The following DMKN variants were observed in gnomAD, a reference collection of about 807,000 sequenced individuals.
DMKN encodes the protein dermokine, also known as epidermis-specific secreted protein SK30/SK89.
Under a neutral mutation model 67.6 loss-of-function variants are expected in DMKN, and 58 were observed. That is an observed-to-expected ratio of 0.86 (90% confidence interval 0.69 to 1.07). The LOEUF is 1.07. DMKN is among the 50% of genes least tolerant of loss of function. The pLI, the probability that DMKN is intolerant of heterozygous loss-of-function variation, is 0.00. For missense variants in DMKN, 596 were observed against 601.5 expected (o/e 0.99, Z 0.10); for synonymous variants, 240 against 232.3 (o/e 1.03, Z -0.30).
At chr19:35,506,325 C>T in intron 7 of DMKN, 1 of 837,742 alleles carries the variant, frequency 1.2e-6, no homozygotes. Context: ...GCCTTCTCTT[C>T]CTTACACAGC....
intron 9 of DMKN, chr19:35,503,507 G>A (rs977700582): frequency 1.2e-5 from 19 of 1,528,764 alleles, no homozygotes; most frequent in South Asian, 8.6e-5. Context: ...ATGGAGTCTC[G>A]CTCTGTCGCC....
Position 35,506,193 on chromosome 19 carries a change from G to A in DMKN, c.1039-207C>T, listed in dbSNP as rs953650570. ...CCAGCTCGACCCTTGCCCCTGGGTGGGGAAAAGGGGGACCGATGTCCAAGG... is the reference window on the plus strand; with the variant it reads ...CCAGCTCGACCCTTGCCCCTGGGTGAGGAAAAGGGGGACCGATGTCCAAGG... On this transcript the variant is annotated intron_variant, in intron 7 of 15. Coordinates refer to ENST00000339686, the MANE Select transcript of DMKN (RefSeq NM_033317.5). The A allele has an allele frequency of 2.0e-6, 3 of 1,502,024 alleles. No homozygotes were observed. In the African/African-American group the frequency reaches 4.2e-5, roughly 21 times the overall value. 93.0% of individuals were successfully genotyped at this position (1,502,024 alleles called of 1,614,324 possible).
rs372850729 is a variant in DMKN at position 35,505,909 on chromosome 19, G to C, written c.1086+30C>G. Reference sequence around the variant, plus strand: ...GGGCAGGGGTTGGTTTTCCAAATGCGAGTGAACAGAGCCATCTCGCAGAAC... The same window carrying C: ...GGGCAGGGGTTGGTTTTCCAAATGCCAGTGAACAGAGCCATCTCGCAGAAC... On this transcript the variant is annotated intron_variant, in intron 8 of 15. Coordinates refer to ENST00000339686, the MANE Select transcript of DMKN (RefSeq NM_033317.5). 54 of 1,614,048 alleles carry C rather than the reference G, an allele frequency of 3.3e-5. 1 individual carries two copies. The highest frequency in any genetic ancestry group is 3.8e-5 in the Non-Finnish European group (45 of 1,180,030).
chr19:35,513,459 G>A lies in DMKN; in HGVS notation c.17C>T (p.Pro6Leu), dbSNP rs1264625009. The A allele has an allele frequency of 1.9e-6, 3 of 1,598,504 alleles. No homozygotes were observed. Among genetic ancestry groups the A allele is most frequent in the Non-Finnish European group, 2.5e-6 (3 of 1,179,182 alleles). Reference sequence around the variant, plus strand: ...GAGGGCCAGCAGGAGGCAGGCCAGGGGCCCCTGGAACTTCATCTCTGCCCA... The same window carrying A: ...GAGGGCCAGCAGGAGGCAGGCCAGGAGCCCCTGGAACTTCATCTCTGCCCA... The part of the protein sequence containing the change: MKFQG[P>L]LACLLLALCL... The change falls in exon 1 of 16, where the codon CCC becomes CTC. Residue 6 changes from proline (P) to leucine (L), a missense_variant. Pro to Leu is a moderately conservative substitution (Grantham distance 98, BLOSUM62 -3). Transcript: ENST00000339686.
At chr19:35,510,512 T>C (rs1600062294) in intron 5 of DMKN, 2 of 1,545,758 alleles carry the variant, frequency 1.3e-6, no homozygotes, top group African/African-American at 2.7e-5. Flanking sequence ...AGGCCGGGGG[T>C]GGGAACCCCT....
Position 35,510,187 on chromosome 19 carries a change from G to C in DMKN, c.984C>G (p.Pro328=). Residue 328 remains proline, a synonymous_variant, in exon 6 of 16, where the codon CCC becomes CCG. Transcript: ENST00000339686. ...GAGATTCACGCCAGCCACTCACCCC[G>C]GGTTTATGTCCATTTCCTCCGCCGC... ...GGSGGGNGHK[P]GCEKPGNEAR... 2 of 1,608,378 alleles carry C rather than the reference G, an allele frequency of 1.2e-6. No homozygotes were observed. Among genetic ancestry groups the C allele is most frequent in the Non-Finnish European group, 1.7e-6 (2 of 1,177,468 alleles).
chr19:35,509,877 G>A, intron 7 of DMKN, 34 bp downstream of exon 7: 1 of 1,613,218 alleles, frequency 6.2e-7, no homozygotes, highest in Non-Finnish European at 8.5e-7. Context: ...AGGAACTGCA[G>A]TCCCCAGGAG....
chr19:35,502,072 G>T, intron 11 of DMKN, 64 bp downstream of exon 11: 1 of 1,610,646 alleles, frequency 6.2e-7, no homozygotes, highest in Non-Finnish European at 8.5e-7. Context: ...AGACACCTGG[G>T]TCAGCGGCTC....
At chr19:35,510,101 T>C (rs1210470336) in intron 6 of DMKN, 83 bp downstream of exon 6, 1 of 1,563,786 alleles carries the variant, frequency 6.4e-7, no homozygotes, top group African/African-American at 1.4e-5. Context: ...CCGCGGAGCC[T>C]TGGCTCCCCG....
chr19:35,498,661 T>C (rs1176190437), intron 15 of DMKN, 55 bp downstream of exon 15: 9 of 1,610,734 alleles, frequency 5.6e-6, no homozygotes, highest in African/African-American at 1.3e-5. Context: ...CTGCCCCGGG[T>C]GACTGTGCCT....
chr19:35,499,994 G>C lies in DMKN; in HGVS notation c.1323C>G (p.Ala441=). ...TCTTGACTGAGTACTTCCCACCATAGGCAGTGGGATACGCATGCTGGTTGT... is the reference window on the plus strand; with the variant it reads ...TCTTGACTGAGTACTTCCCACCATACGCAGTGGGATACGCATGCTGGTTGT... ...YNYNQHAYPT[A]YGGKYSVKTP... is the part of the protein sequence containing the mutation. The change falls in exon 13 of 16, where the codon GCC becomes GCG. Residue 441 remains alanine, a synonymous_variant. Coordinates refer to ENST00000339686, the MANE Select transcript of DMKN (RefSeq NM_033317.5). 6 of 1,614,196 alleles carry C rather than the reference G, an allele frequency of 3.7e-6. No homozygotes were observed. Among genetic ancestry groups the C allele is most frequent in the Non-Finnish European group, 5.1e-6 (6 of 1,180,044 alleles).
In DMKN at chr19:35,505,982, G is replaced by C. The variant is rs2069420782; in HGVS notation, c.1043C>G (p.Ser348Cys). Residue 348 changes from serine to cysteine, a missense_variant, in exon 8 of 16, where the codon TCT becomes TGT. Coordinates refer to ENST00000339686, the MANE Select transcript of DMKN (RefSeq NM_033317.5). ...RGSGESGIQN[S>C]ETSPGMFNFD... ...GTTAAACATCCCAGGAGACGTCTCA[G>C]AGTTCTATGGAACCAAGGAGATATG... 6.2e-7 allele frequency: 1 copy of C among 1,614,156 alleles called. No homozygotes were observed. Among genetic ancestry groups the C allele is most frequent in the Non-Finnish European group, 8.5e-7 (1 of 1,180,028 alleles).
rs2071087351 is a variant in DMKN, at chr19:35,513,118, C to T, written c.358G>A (p.Val120Ile). Residue 120 changes from valine to isoleucine, a missense_variant, in exon 1 of 16, where the codon GTC becomes ATC. By Grantham distance (29) the Val-to-Ile change is conservative. Coordinates refer to ENST00000339686, the MANE Select transcript of DMKN (RefSeq NM_033317.5). ...GHEIGRQAED[V>I]IRHGADAVRG... ...ACAGCATCTGCTCCGTGTCGAATGA[C>T]ATCTTCTGCCTGTCTGCCAATCTCG... The T allele has an allele frequency of 6.2e-7, 1 of 1,614,094 alleles. No individual in the cohort carries two copies. The highest frequency in any genetic ancestry group is 1.1e-5 in the South Asian group (1 of 91,094).
At chr19:35,507,092 T>C (rs919866198) in intron 7 of DMKN, 23 of 203,022 alleles carry the variant, frequency 1.1e-4, no homozygotes, top group African/African-American at 5.2e-4. Context: ...ACAGTTATGC[T>C]GGTGCCTGGC....
intron 15 of DMKN, 78 bp downstream of exon 15, chr19:35,498,638 C>G (rs564520372): frequency 2.5e-6 from 4 of 1,591,102 alleles, no homozygotes; most frequent in Non-Finnish European, 1.7e-6. Context: ...GAGGATATAC[C>G]AAGATCCTGG....
intron 13 of DMKN, 141 bp from the exon 14 acceptor site, chr19:35,499,038 C>T (rs1486072338): frequency 2.0e-5 from 24 of 1,208,576 alleles, no homozygotes; most frequent in Admixed American, 4.3e-5. Context: ...TGACTGTGGA[C>T]ATTCAGGCTG....
chr19:35,499,152 A>G (rs1298859589), intron 13 of DMKN: 3 of 559,806 alleles, frequency 5.4e-6, no homozygotes, highest in Admixed American at 6.5e-5. Context: ...TCAAAAGAGC[A>G]TAGGCCTCGC....
intron 1 of DMKN, 71 bp downstream of exon 1, chr19:35,512,979 C>G: frequency 6.3e-7 from 1 of 1,587,504 alleles, no homozygotes; most frequent in Non-Finnish European, 8.6e-7. Flanking sequence ...ATCCTTTCAA[C>G]CGTTTCCCAA....
chr19:35,500,664 C>T (rs576767456), intron 11 of DMKN, 84 bp from the exon 12 acceptor site: 439 of 1,467,782 alleles, frequency 3.0e-4, no homozygotes, highest in Non-Finnish European at 3.9e-4. Flanking sequence ...TTCTCCCTCA[C>T]CCCACCCCTT....
Sources: allele counts gnomAD v4.1 joint callset, GRCh38; gene constraint gnomAD v4.1.1; transcripts MANE v1.5; gene names NCBI Gene and HGNC (gene_info 2026-07-23, HGNC 2026-07-21).